Variants in OTUB1 observed in about 807,000 individuals in gnomAD.
OTUB1 encodes OTU deubiquitinase, ubiquitin aldehyde binding 1, also known as ubiquitin thioesterase OTUB1.
Under a neutral mutation model 35.8 loss-of-function variants are expected in OTUB1, and 10 were observed. That is an observed-to-expected ratio of 0.28 (90% CI 0.17 to 0.47). The LOEUF is 0.47. Ranked by LOEUF, OTUB1 falls within the 20% of genes least tolerant of loss-of-function variation. The pLI, the probability that OTUB1 is intolerant of heterozygous loss-of-function variation, is 0.99. For missense variants in OTUB1, 264 were observed against 351.6 expected (o/e 0.75, Z 1.99); for synonymous variants, 158 against 143.8 (o/e 1.10, Z -0.71).
intron 3 of OTUB1, among the ~76,000 whole-genome samples, chr11:63,991,057 G>A (rs1449021873): frequency 6.6e-6 from 1 of 152,230 alleles, no homozygotes; most frequent in Non-Finnish European, 1.5e-5. Context: ...CAGGGAGCTA[G>A]ATTTCCTCAG....
chr11:63,994,132 G>GA (rs558164466), intron 3 of OTUB1, among the ~76,000 whole-genome samples: 8 of 147,674 alleles, frequency 5.4e-5, no homozygotes, highest in African/African-American at 1.2e-4. Context: ...TCTCAGAAAA[G>GA]AAAAAAAAAA....
At chr11:63,993,334 G>C (rs1942689103) in intron 3 of OTUB1, among the ~76,000 whole-genome samples, 1 of 152,220 alleles carries the variant, frequency 6.6e-6, no homozygotes, top group East Asian at 1.9e-4. Flanking sequence ...AATTGGAGTT[G>C]AGAGTTGAGA....
At position 63,996,526 on chromosome 11, in the gene OTUB1, G is replaced by T; in HGVS notation, c.220-4G>T. 1 of 1,613,988 alleles carries T rather than the reference G, an allele frequency of 6.2e-7. No individual in the cohort carries two copies. The highest frequency in any genetic ancestry group is 1.1e-5 in the South Asian group (1 of 91,080). On this transcript the variant is annotated splice_region_variant and splice_polypyrimidine_tract_variant and intron_variant, in intron 3 of 6. Transcript: ENST00000538426. ...AACCTGTCGGGGTGGGGCTGTCTCCGCAGGACCTCCACAAAAAGTACTCGT... is the reference window on the plus strand; with the variant it reads ...AACCTGTCGGGGTGGGGCTGTCTCCTCAGGACCTCCACAAAAAGTACTCGT...
intron 3 of OTUB1, 44 bp from the exon 4 acceptor site, chr11:63,996,486 T>C (rs762434185): frequency 6.3e-7 from 1 of 1,599,998 alleles, no homozygotes; most frequent in Admixed American, 1.7e-5. Context: ...CCAGCCCCCG[T>C]TCTGGCCTGA....
intron 3 of OTUB1, among the ~76,000 whole-genome samples, chr11:63,995,939 G>A (rs1453236742): frequency 1.3e-5 from 2 of 152,070 alleles, no homozygotes; most frequent in African/African-American, 2.4e-5. Flanking sequence ...CCCGGGAGGT[G>A]TAGGTTGCAG....
chr11:63,996,374 C>T (rs1942716689), intron 3 of OTUB1, among the ~76,000 whole-genome samples, 156 bp from the exon 4 acceptor site: 1 of 152,172 alleles, frequency 6.6e-6, no homozygotes, highest in African/African-American at 2.4e-5. Context: ...CTCCCATTGC[C>T]ACATTCAGCA....
At chr11:63,992,558 TGAGA>T (rs58310185) in intron 3 of OTUB1, among the ~76,000 whole-genome samples, 4 of 151,778 alleles carry the variant, frequency 2.6e-5, no homozygotes, top group Non-Finnish European at 5.9e-5. Flanking sequence ...TCTTTTTTTT[TGAGA>T]GAGAGTGTTG....
chr11:63,986,466 G>A lies in OTUB1; in HGVS notation c.10G>A (p.Glu4Lys). The A allele has an allele frequency of 6.4e-7, 1 of 1,555,452 alleles. No individual in the cohort carries two copies. Among genetic ancestry groups the A allele is most frequent in the Non-Finnish European group, 8.7e-7 (1 of 1,149,704 alleles). ...GCGGCGCTGTTTAAAGATGGCGGCGGAGGAACCTCAGCAGCAGAAGCAGGA... is the reference window on the plus strand; with the variant it reads ...GCGGCGCTGTTTAAAGATGGCGGCGAAGGAACCTCAGCAGCAGAAGCAGGA... MAA[E>K]EPQQQKQEPL... is the part of the protein sequence containing the mutation. Residue 4 changes from glutamate to lysine, a missense_variant, in exon 1 of 7, where the codon GAG (glutamate) becomes AAG (lysine). This residue lies in a region of OTUB1 where 50 missense variants were observed against 34.5 expected (regional missense o/e 1.45). Transcript: ENST00000538426.
At chr11:63,992,698 TCG>T (rs1405917648) in intron 3 of OTUB1, among the ~76,000 whole-genome samples, 1 of 152,002 alleles carries the variant, frequency 6.6e-6, no homozygotes, top group Non-Finnish European at 1.5e-5. Flanking sequence ...TTACAGATGC[TCG>T]CCACCATGCC....
rs376826996 is a variant in OTUB1 at position 63,995,159 on chromosome 11, C to T, written c.220-1371C>T. Among the ~76,000 whole-genome samples, 132 of 152,230 alleles carry T rather than the reference C, an allele frequency of 8.7e-4. 1 individual carries two copies. The highest frequency in any genetic ancestry group is 3.0e-3 in the African/African-American group (123 of 41,542). On this transcript the variant is annotated intron_variant, in intron 3 of 6. Coordinates refer to ENST00000538426, the MANE Select transcript of OTUB1 (RefSeq NM_017670.3). ...ACACAGTCCTCCGACCTCAGCCTCT[C>T]GAGTGGCTGGGACCACAGGATGCAC...
chr11:63,991,635 G>A (rs1260263902), intron 3 of OTUB1, among the ~76,000 whole-genome samples: 2 of 152,176 alleles, frequency 1.3e-5, no homozygotes, highest in African/African-American at 2.4e-5. Context: ...ACGTTTATTC[G>A]CCCTGTGCCA....
In OTUB1 at chr11:63,998,263, C is replaced by A. The variant is rs991764396; in HGVS notation, c.*717C>A. The A allele has an allele frequency of 1.1e-5, 2 of 184,114 alleles. No individual in the cohort carries two copies. The highest frequency in any genetic ancestry group is 5.3e-5 in the Admixed American group (1 of 18,748). The allele number at this position is 184,114 out of a possible 1,614,324, so 11.4% of individuals were successfully genotyped here. Reference sequence around the variant, plus strand: ...GCCCCCTGCCTGTGCCTGCCTTGCACCCCCTCTGCTTGGGCCACGGTGTCT... The same window carrying A: ...GCCCCCTGCCTGTGCCTGCCTTGCAACCCCTCTGCTTGGGCCACGGTGTCT... On this transcript the variant is annotated 3_prime_UTR_variant, in exon 7 of 7. Transcript: ENST00000538426.
At chr11:63,996,420 T>C in intron 3 of OTUB1, 110 bp from the exon 4 acceptor site, 1 of 1,211,316 alleles carries the variant, frequency 8.3e-7, no homozygotes, top group East Asian at 2.4e-5. Flanking sequence ...AGGTGGCTGC[T>C]GGGAGCTCAG....
At chr11:63,990,585 T>TAAAAAAAAAAAAAAAA (rs774764039) in intron 3 of OTUB1, 10 of 125,110 alleles carry the variant, frequency 8.0e-5, no homozygotes, top group African/African-American at 2.6e-4. Flanking sequence ...ACCTGTCTCT[T>TAAAAAAAAAAAAAAAA]AAAAAAATAA....
rs17850645 is a variant in OTUB1, at chr11:63,988,715, A to G, written c.182A>G (p.Tyr61Cys). The G allele has an allele frequency of 3.7e-6, 6 of 1,613,134 alleles. No homozygotes were observed. Among genetic ancestry groups the G allele is most frequent in the Non-Finnish European group, 5.1e-6 (6 of 1,179,592 alleles). Residue 61 changes from tyrosine to cysteine, a missense_variant, in exon 3 of 7, where the codon TAT (tyrosine) becomes TGT (cysteine). This residue lies in a region of OTUB1 where 214 missense variants were observed against 317.1 expected (regional missense o/e 0.67). Coordinates refer to ENST00000538426, the MANE Select transcript of OTUB1 (RefSeq NM_017670.3). ...RLELSVLYKE[Y>C]AEDDNIYQQK... is the part of the protein sequence containing the mutation. ...GAGCTCTCGGTCCTATACAAGGAGT[A>G]TGCTGAAGATGACAACATCTATCAA...
intron 4 of OTUB1, 43 bp downstream of exon 4, chr11:63,996,691 A>C (rs764831959): frequency 6.2e-7 from 1 of 1,613,328 alleles, no homozygotes; most frequent in Non-Finnish European, 8.5e-7. Flanking sequence ...GTGGGTGTCT[A>C]CCTCCTCCCC....
chr11:63,997,832 G>C lies in OTUB1; in HGVS notation c.*286G>C. On this transcript the variant is annotated 3_prime_UTR_variant, in exon 7 of 7. Coordinates refer to ENST00000538426, the MANE Select transcript of OTUB1 (RefSeq NM_017670.3). ...TCCCCAACAGGAGCAGGTTTGAGGG[G>C]CCAGGCCTCTTGGAGGCCCCTCCTG... 1 of 691,722 alleles carries C rather than the reference G, an allele frequency of 1.4e-6. No homozygotes were observed. The highest frequency in any genetic ancestry group is 2.6e-6 in the Non-Finnish European group (1 of 379,210). The allele number at this position is 691,722 out of a possible 1,614,324, so 42.8% of individuals were successfully genotyped here.
At chr11:63,990,086 GATGATCTCGGTGCCCAT>G (rs2134306431) in intron 3 of OTUB1, 1 of 152,284 alleles carries the variant, frequency 6.6e-6, no homozygotes, top group African/African-American at 2.4e-5. Context: ...GGCAGGAGCT[GATGATCTCGGTGCCCAT>G]ACGGGGGCTG....
intron 3 of OTUB1, chr11:63,989,909 A>T (rs1942655320): frequency 6.9e-6 from 1 of 145,456 alleles, no homozygotes; most frequent in African/African-American, 2.6e-5. Flanking sequence ...AGCTACTCGG[A>T]GAGGCTGAGG....
Sources: gnomAD v4.1 joint callset for allele counts (sites outside exome capture counted in the v4.1 genomes callset) on GRCh38, gnomAD v4.1.1 for gene constraint, gnomAD v4.1.1 regional missense constraint, MANE v1.5 for transcripts, NCBI Gene and HGNC (gene_info 2026-07-23, HGNC 2026-07-21) for gene names.